Variants in MAGI2 observed in about 807,000 individuals in gnomAD.
The protein encoded by MAGI2 is membrane associated guanylate kinase, WW and PDZ domain containing 2.
MAGI2 carries 35 observed loss-of-function variants against 133.3 expected under a neutral mutation model. That is an observed-to-expected ratio of 0.26 (90% CI 0.20 to 0.35). The LOEUF is 0.35. MAGI2 is among the 10% of genes least tolerant of loss of function. The pLI is 1.00. For missense variants in MAGI2, 1,636 were observed against 1,863.4 expected, an observed-to-expected ratio of 0.88 and a Z score of 2.25; for synonymous variants, 729 against 710.6, an observed-to-expected ratio of 1.03 and a Z score of -0.41.
Position 78,671,281 on chromosome 7 carries a change from CTT to C in MAGI2, c.419-44044_419-44043del, listed in dbSNP as rs34087973. Reference sequence around the variant, plus strand: ...ATAATTTAATTGTGTCTCTCTCTCTCTTTTTTTTTTTTTTAAGATAGCCAGTA... The same window carrying C: ...ATAATTTAATTGTGTCTCTCTCTCTCTTTTTTTTTTTTAAGATAGCCAGTA... On this transcript the variant is annotated intron_variant, in intron 2 of 21. Coordinates refer to ENST00000354212, the MANE Select transcript of MAGI2 (RefSeq NM_012301.4). 8.0e-3 allele frequency among the ~76,000 whole-genome samples: 1,149 copies of C among 143,834 alleles called. 5 individuals are homozygous for C. The highest frequency in any genetic ancestry group is 0.014 in the African/African-American group (528 of 38,744). The allele number at this position is 143,834 out of a possible 152,430, so 94.4% of individuals were successfully genotyped here. A position where few individuals can be genotyped will look rare whatever the true frequency, so the allele number is the denominator to read the frequency against.
intron 2 of MAGI2, among the ~76,000 whole-genome samples, chr7:78,976,044 C>A (rs955866999): frequency 3.3e-5 from 5 of 151,472 alleles, no homozygotes; most frequent in Admixed American, 6.6e-5. Flanking sequence ...AATGAAAAAA[C>A]CAGATTAGTC....
chr7:78,600,728 G>C (rs573376458), intron 3 of MAGI2, among the ~76,000 whole-genome samples: 1 of 152,150 alleles, frequency 6.6e-6, no homozygotes, highest in Non-Finnish European at 1.5e-5. Context: ...TACACACGAG[G>C]GGAGGTGTGT....
At chr7:78,730,853 G>C (rs1240323752) in intron 2 of MAGI2, among the ~76,000 whole-genome samples, 1 of 152,076 alleles carries the variant, frequency 6.6e-6, no homozygotes, top group South Asian at 2.1e-4. Flanking sequence ...CTTTCTCTTT[G>C]GCTTTCTCCC....
rs576652926 is a variant in MAGI2, at chr7:78,891,202, C to T, written c.418+115888G>A. 3.7e-3 allele frequency among the ~76,000 whole-genome samples: 570 copies of T among 152,228 alleles called. 4 individuals carry two copies. The highest frequency in any genetic ancestry group is 0.013 in the African/African-American group (546 of 41,528). ...GGAAGAAGTTGAATTTCTGAATAGA[C>T]CAATAACAGGCTCTGAAATTGAGGC... On this transcript the variant is annotated intron_variant, in intron 2 of 21. Coordinates refer to ENST00000354212, the MANE Select transcript of MAGI2 (RefSeq NM_012301.4).
intron 1 of MAGI2, among the ~76,000 whole-genome samples, chr7:79,214,405 CTCTATATATA>C (rs1259360163): frequency 2.6e-3 from 78 of 30,494 alleles, no homozygotes; most frequent in East Asian, 6.0e-3. Flanking sequence ...CTCTCTCTCT[CTCTATATATA>C]TATATATATA....
rs1398853150 is a variant in MAGI2 at position 78,573,241 on chromosome 7, TATATAAATATATATAA to T, written c.539-51612_539-51597del. ...AAATATATATAAATATAAATATATA[TATATAAATATATATAA>T]ATATAAATATATATAAATATATATA... On this transcript the variant is annotated intron_variant, in intron 3 of 21. Transcript: ENST00000354212. Among the ~76,000 whole-genome samples the T allele has an allele frequency of 3.3e-4, 17 of 51,308 alleles. 1 individual carries two copies. Among genetic ancestry groups the T allele is most frequent in the African/African-American group, 1.4e-3 (16 of 11,466 alleles). The allele number at this position is 51,308 out of a possible 152,430, so 33.7% of individuals were successfully genotyped here. A position where few individuals can be genotyped will look rare whatever the true frequency, so the allele number is the denominator to read the frequency against.
At chr7:79,118,650 T>G (rs1434757444) in intron 1 of MAGI2, among the ~76,000 whole-genome samples, 2 of 152,148 alleles carry the variant, frequency 1.3e-5, no homozygotes, top group Non-Finnish European at 1.5e-5. Context: ...ATTGTGCTGT[T>G]TAAAATGAAA....
intron 1 of MAGI2, among the ~76,000 whole-genome samples, chr7:79,391,568 C>A (rs2129151866): frequency 8.9e-6 from 1 of 112,584 alleles, no homozygotes; most frequent in Non-Finnish European, 1.9e-5. Context: ...TATATACACA[C>A]TTTACTGTAA....
At chr7:78,849,801 G>T (rs1371269688) in intron 2 of MAGI2, among the ~76,000 whole-genome samples, 1 of 151,942 alleles carries the variant, frequency 6.6e-6, no homozygotes, top group Admixed American at 6.6e-5. Flanking sequence ...GTGGTATATA[G>T]ACATGGTGCT....
At chr7:78,133,175 G>A (rs993003211) in intron 17 of MAGI2, 115 bp from the exon 18 acceptor site, 40 of 768,592 alleles carry the variant, frequency 5.2e-5, no homozygotes, top group Non-Finnish European at 7.0e-5. Flanking sequence ...GGTTATTTCC[G>A]TTTCTGCTAG....
At chr7:78,777,227 A>C (rs1029109263) in intron 2 of MAGI2, among the ~76,000 whole-genome samples, 13 of 152,314 alleles carry the variant, frequency 8.5e-5, no homozygotes, top group Middle Eastern at 3.4e-3. Flanking sequence ...AACCAGCCAA[A>C]GTATATGTTT....
intron 21 of MAGI2, among the ~76,000 whole-genome samples, chr7:78,024,056 A>C (rs142725622): frequency 7.1e-4 from 108 of 152,292 alleles, no homozygotes; most frequent in Admixed American, 1.5e-3. Flanking sequence ...GGGGTCCAGG[A>C]ACCAATCCCC....
chr7:79,202,678 GC>G lies in MAGI2; in HGVS notation c.302-195473del, dbSNP rs544741739. 4.1e-3 allele frequency among the ~76,000 whole-genome samples: 620 copies of G among 152,106 alleles called. 7 individuals carry two copies. Among genetic ancestry groups the G allele is most frequent in the Middle Eastern group, 0.024 (7 of 294 alleles). ...ATTTGGGAAAATACAAGTAATGACTGCATAAGCTTAGGAAATTGTAATAATC... is the reference window on the plus strand; with the variant it reads ...ATTTGGGAAAATACAAGTAATGACTGATAAGCTTAGGAAATTGTAATAATC... On this transcript the variant is annotated intron_variant, in intron 1 of 21. Transcript: ENST00000354212.
chr7:78,369,456 A>G (rs1391378680), intron 6 of MAGI2, among the ~76,000 whole-genome samples: 1 of 152,116 alleles, frequency 6.6e-6, no homozygotes. Flanking sequence ...CATTTGTCTC[A>G]TGCCAAATAG....
At chr7:78,871,602 A>G (rs1271061755) in intron 2 of MAGI2, among the ~76,000 whole-genome samples, 1 of 152,132 alleles carries the variant, frequency 6.6e-6, no homozygotes, top group East Asian at 1.9e-4. Context: ...GTTGTAGATC[A>G]GACTAAGAAT....
At chr7:78,912,818 C>CATAT (rs144164557) in intron 2 of MAGI2, among the ~76,000 whole-genome samples, 7 of 133,352 alleles carry the variant, frequency 5.2e-5, no homozygotes, top group African/African-American at 2.1e-4. Flanking sequence ...ATATATCATT[C>CATAT]ATATATATAT....
intron 20 of MAGI2, among the ~76,000 whole-genome samples, chr7:78,099,143 A>G (rs890145759): frequency 1.3e-5 from 2 of 152,212 alleles, no homozygotes; most frequent in South Asian, 2.1e-4. Context: ...TGTATTAAGT[A>G]TCAGTTCCTA....
intron 8 of MAGI2, among the ~76,000 whole-genome samples, chr7:78,344,590 A>G (rs1283653258): frequency 6.6e-6 from 1 of 152,244 alleles, no homozygotes; most frequent in Non-Finnish European, 1.5e-5. Flanking sequence ...ACACTGCTCT[A>G]TTGTGAGATA....
chr7:78,890,629 T>A (rs1796662702), intron 2 of MAGI2, among the ~76,000 whole-genome samples: 1 of 152,096 alleles, frequency 6.6e-6, no homozygotes, highest in Admixed American at 6.6e-5. Context: ...GAATGACTAC[T>A]GGGAACATAA....
Sources: gnomAD v4.1 joint callset for allele counts (sites outside exome capture counted in the v4.1 genomes callset) on GRCh38, gnomAD v4.1.1 for gene constraint, MANE v1.5 for transcripts, NCBI Gene and HGNC (gene_info 2026-07-23, HGNC 2026-07-21) for gene names.